The following PHLDB3 variants were observed in gnomAD, a reference collection of about 807,000 sequenced individuals.
The protein encoded by PHLDB3 is pleckstrin homology like domain family B member 3, also known as pleckstrin homology-like domain family B member 3.
PHLDB3 carries 86 observed loss-of-function variants against 85.7 expected under a neutral mutation model. That is an observed-to-expected ratio of 1.00 (90% CI 0.84 to 1.20). The LOEUF is 1.20. PHLDB3 is among the 50% of genes most tolerant of loss of function. The pLI is 0.00. For missense variants in PHLDB3, 995 were observed against 873.0 expected, an observed-to-expected ratio of 1.14 and a Z score of -1.76; for synonymous variants, 376 against 349.8, an observed-to-expected ratio of 1.07 and a Z score of -0.83.
chr19:43,476,907 C>T (rs2122447220), intron 15 of PHLDB3, among the ~76,000 whole-genome samples: 1 of 152,170 alleles, frequency 6.6e-6, no homozygotes, highest in South Asian at 2.1e-4. Context: ...GACCCACTCC[C>T]ACTTGGCAAC....
chr19:43,492,049 G>A (rs1051717587), intron 9 of PHLDB3, among the ~76,000 whole-genome samples: 3 of 148,734 alleles, frequency 2.0e-5, no homozygotes, highest in South Asian at 2.2e-4. Flanking sequence ...TCCGCCTTCC[G>A]GGTTCAAGCG....
Position 43,490,723 on chromosome 19 carries a change from T to C in PHLDB3, c.1150-3600A>G, listed in dbSNP as rs144604619. On this transcript the variant is annotated intron_variant, in intron 9 of 15. Coordinates refer to ENST00000292140, the MANE Select transcript of PHLDB3 (RefSeq NM_198850.4). ...CTGGGAGATATTAGATACTTGGCAC[T>C]GAGGAACCAAGTGGGCAGGTCAGAC... is the stretch of plus-strand genomic sequence containing the variant. Among the ~76,000 whole-genome samples, 435 of 152,276 alleles carry C rather than the reference T, an allele frequency of 2.9e-3. 2 individuals carry two copies. The highest frequency in any genetic ancestry group is 9.5e-3 in the African/African-American group (396 of 41,560).
intron 1 of PHLDB3, 146 bp from the exon 2 acceptor site, chr19:43,504,278 T>A (rs1440216717): frequency 1.3e-6 from 1 of 751,564 alleles, no homozygotes; most frequent in Non-Finnish European, 2.1e-6. Flanking sequence ...TACGGAGGCG[T>A]GTCCTGAAGT....
chr19:43,493,147 C>A (rs904015078), intron 9 of PHLDB3, among the ~76,000 whole-genome samples: 1 of 151,766 alleles, frequency 6.6e-6, no homozygotes, highest in Non-Finnish European at 1.5e-5. Context: ...GGCTTGGTGG[C>A]GCATGCCTGT....
chr19:43,489,183 G>T (rs1419980690), intron 9 of PHLDB3, among the ~76,000 whole-genome samples: 2 of 151,528 alleles, frequency 1.3e-5, no homozygotes, highest in Admixed American at 1.3e-4. Context: ...AAAAAGAAAA[G>T]AAAAAAAACA....
chr19:43,494,791 G>A lies in PHLDB3; in HGVS notation c.1060C>T (p.Arg354Cys), dbSNP rs543150798. The change falls in exon 9 of 16, where the codon CGC becomes TGC. Residue 354 changes from arginine (R) to cysteine (C), a missense_variant. Physicochemically the swap from Arg to Cys is radical, Grantham distance 180. Transcript: ENST00000292140. ...TKLLFTQKTDRQLLVLQDAVA... is the reference protein window; with the variant it reads ...TKLLFTQKTDCQLLVLQDAVA... ...GCATCCTGGAGCACCAGCAGCTGGCGGTCTGTCTTCTGGGTGAACAGCAGC... is the reference window on the plus strand; with the variant it reads ...GCATCCTGGAGCACCAGCAGCTGGCAGTCTGTCTTCTGGGTGAACAGCAGC... 30 of 1,612,818 alleles carry A rather than the reference G, an allele frequency of 1.9e-5. No homozygotes were observed. Among genetic ancestry groups the A allele is most frequent in the Middle Eastern group, 1.7e-4 (1 of 6,060 alleles).
In PHLDB3 at chr19:43,478,148, A is replaced by G; in HGVS notation, c.1703-16T>C. ...TCTTCCTTGTCTGGTAGGGGAGGTA[A>G]GAGAAAAAGAGAGCCAGTGAGAAAG... On this transcript the variant is annotated splice_polypyrimidine_tract_variant and intron_variant, in intron 14 of 15. Coordinates refer to ENST00000292140, the MANE Select transcript of PHLDB3 (RefSeq NM_198850.4). 6.3e-7 allele frequency: 1 copy of G among 1,583,942 alleles called. No homozygotes were observed.
chr19:43,504,245 G>C, intron 1 of PHLDB3, 113 bp from the exon 2 acceptor site: 1 of 981,028 alleles, frequency 1.0e-6, no homozygotes, highest in Non-Finnish European at 1.5e-6. Context: ...GGGCCTAAGA[G>C]TTCAAAGGAT....
At chr19:43,478,667 G>A (rs745685807) in intron 14 of PHLDB3, among the ~76,000 whole-genome samples, 53 of 152,158 alleles carry the variant, frequency 3.5e-4, no homozygotes, top group Admixed American at 2.1e-3. Context: ...TGTAATCCCA[G>A]CACTTTAGGA....
intron 14 of PHLDB3, among the ~76,000 whole-genome samples, chr19:43,479,017 C>A (rs1029678619): frequency 6.6e-6 from 1 of 152,134 alleles, no homozygotes; most frequent in African/African-American, 2.4e-5. Flanking sequence ...AGACTCCTGG[C>A]CATTGGGGGG....
At chr19:43,483,979 CG>C (rs1185320977) in intron 13 of PHLDB3, among the ~76,000 whole-genome samples, 2 of 151,882 alleles carry the variant, frequency 1.3e-5, no homozygotes, top group Admixed American at 1.3e-4. Context: ...AGGCCAGGCA[CG>C]GTAGCTCATG....
chr19:43,503,033 C>T (rs1674240542), intron 2 of PHLDB3, among the ~76,000 whole-genome samples: 1 of 152,072 alleles, frequency 6.6e-6, no homozygotes, highest in East Asian at 1.9e-4. Flanking sequence ...CTTTCTTCCT[C>T]GGAGTATGTC....
In PHLDB3 at chr19:43,504,124, C is replaced by T. The variant is rs1047896564; in HGVS notation, c.-6G>A. Reference sequence around the variant, plus strand: ...GGGCTGCTTCGCGTCCCCATGGCCGCTGGGACTCCTGCGGGGTGGGCGGGA... The same window carrying T: ...GGGCTGCTTCGCGTCCCCATGGCCGTTGGGACTCCTGCGGGGTGGGCGGGA... On this transcript the variant is annotated 5_prime_UTR_variant, in exon 2 of 16. Coordinates refer to ENST00000292140, the MANE Select transcript of PHLDB3 (RefSeq NM_198850.4). 1 of 1,585,918 alleles carries T rather than the reference C, an allele frequency of 6.3e-7. No individual in the cohort carries two copies. The highest frequency in any genetic ancestry group is 1.8e-5 in the Admixed American group (1 of 56,070).
intron 2 of PHLDB3, among the ~76,000 whole-genome samples, chr19:43,503,385 C>T (rs1410726764): frequency 2.0e-5 from 3 of 151,990 alleles, no homozygotes; most frequent in Non-Finnish European, 2.9e-5. Flanking sequence ...TCACCGCAGC[C>T]TACAACTCCT....
intron 9 of PHLDB3, among the ~76,000 whole-genome samples, chr19:43,491,202 C>G (rs1411427549): frequency 1.3e-5 from 2 of 152,204 alleles, no homozygotes; most frequent in Non-Finnish European, 1.5e-5. Context: ...GGCAACACAG[C>G]TGACACCTAC....
rs369393470 is a variant in PHLDB3 at position 43,504,086 on chromosome 19, G to T, written c.33C>A (p.Thr11=). The T allele has an allele frequency of 1.4e-5, 22 of 1,610,722 alleles. No homozygotes were observed. The African/African-American group carries it at 1.7e-4, about 13-fold the overall frequency. ...CGCATTCCGGGACCAGCGGCGGCGG[G>T]GTCCCCTCCTCGGGGCTGCTTCGCG... MGTRSSPEEG[T]PPPLVPECDV... The change falls in exon 2 of 16, where the codon ACC becomes ACA. Residue 11 remains threonine (T), a synonymous_variant. Transcript: ENST00000292140.
At chr19:43,486,475 C>T in intron 12 of PHLDB3, 134 bp downstream of exon 12, 1 of 1,295,456 alleles carries the variant, frequency 7.7e-7, no homozygotes, top group Non-Finnish European at 1.1e-6. Context: ...GCCTGGACTC[C>T]TGGGTCTGAG....
Position 43,479,522 on chromosome 19 carries a change from G to GC in PHLDB3, c.1556dup (p.His520ProfsTer38). On this transcript the variant is annotated frameshift_variant, in exon 14 of 16. Transcript: ENST00000292140. LOFTEE classifies it high-confidence loss of function. ...CATGTGGGCAGTTTTCCGGGTTGTG[G>GC]CCCCATCCCTCCAGATGCTGCCGGA... The GC allele has an allele frequency of 1.5e-6, 2 of 1,296,492 alleles. No individual in the cohort carries two copies. The highest frequency in any genetic ancestry group is 1.0e-6 in the Non-Finnish European group (1 of 990,294). The allele number at this position is 1,296,492 out of a possible 1,614,324, so 80.3% of individuals were successfully genotyped here.
chr19:43,487,594 A>C (rs1380923078), intron 9 of PHLDB3, among the ~76,000 whole-genome samples: 1 of 137,446 alleles, frequency 7.3e-6, no homozygotes, highest in Non-Finnish European at 1.6e-5. Flanking sequence ...AAAAAAAAAC[A>C]CAGAAAAGAA....
Sources: allele counts gnomAD v4.1 joint callset (sites outside exome capture counted in the v4.1 genomes callset), GRCh38; gene constraint gnomAD v4.1.1; transcripts MANE v1.5; gene names NCBI Gene and HGNC (gene_info 2026-07-23, HGNC 2026-07-21).